CFAP69: variants seen among roughly 807,000 people sequenced by gnomAD.
CFAP69 encodes the protein cilia and flagella associated protein 69, also known as cilia- and flagella-associated protein 69.
Under a neutral mutation model 123.0 loss-of-function variants are expected in CFAP69, and 92 were observed. The observed-to-expected ratio is 0.75, with a 90% confidence interval of 0.63 to 0.89. CFAP69 has a LOEUF of 0.89. Among genes scored for constraint, CFAP69 ranks in the 40% least tolerant of loss-of-function variants. The probability of loss-of-function intolerance (pLI) is 0.00; values close to 1 mark genes in which losing one functional copy is unlikely to be tolerated. For synonymous variants in CFAP69, 380 were observed against 364.3 expected, an observed-to-expected ratio of 1.04 and a Z score of -0.49; for missense variants, 1,067 against 1,096.9, an observed-to-expected ratio of 0.97 and a Z score of 0.39.
intron 9 of CFAP69, 30 bp from the exon 10 acceptor site, chr7:90,277,043 C>G: frequency 6.8e-7 from 1 of 1,468,058 alleles, no homozygotes; most frequent in Non-Finnish European, 9.2e-7. Context: ...ATTCATTCAT[C>G]TTTCTGCTTA....
rs1792207175 is a variant in CFAP69, at chr7:90,297,769, A to G, written c.1796A>G (p.Tyr599Cys). ...DSIWCCILGC[Y>C]PSEDYFLEKE... is the part of the protein sequence containing the mutation. ...TTAAGGTGCTGTATTTTGGGATGTT[A>G]TCCCTCAGAGGATTATTTTCTTGAA... Residue 599 changes from tyrosine (Y) to cysteine (C), a missense_variant, in exon 16 of 23, where the codon TAT becomes TGT. Transcript: ENST00000389297. 6.3e-7 allele frequency: 1 copy of G among 1,574,930 alleles called. No homozygotes were observed. Among genetic ancestry groups the G allele is most frequent in the African/African-American group, 1.4e-5 (1 of 71,738 alleles).
At chr7:90,247,864 A>AACAAT (rs1270769894) in intron 1 of CFAP69, among the ~76,000 whole-genome samples, 1 of 152,202 alleles carries the variant, frequency 6.6e-6, no homozygotes, top group Non-Finnish European at 1.5e-5. Context: ...AACAAAACAA[A>AACAAT]ACAAAAAGAA....
In CFAP69 at chr7:90,310,405, C is replaced by A; in HGVS notation, c.*167C>A. ...TATAATTTATTTTTATGGAAAACAT[C>A]AACATGTAATATCAGAAGAGTTGTC... On this transcript the variant is annotated 3_prime_UTR_variant, in exon 23 of 23. Coordinates refer to ENST00000389297, the MANE Select transcript of CFAP69 (RefSeq NM_001039706.3). 2.7e-6 allele frequency: 1 copy of A among 366,538 alleles called. No homozygotes were observed. Among genetic ancestry groups the A allele is most frequent in the Non-Finnish European group, 4.6e-6 (1 of 215,370 alleles). The allele number at this position is 366,538 out of a possible 1,614,324, so 22.7% of individuals were successfully genotyped here.
chr7:90,319,815 C>A, the CFAP69 span: 1 of 397,708 alleles, frequency 2.5e-6, no homozygotes, highest in Non-Finnish European at 4.4e-6. Flanking sequence ...ATCACTTGAT[C>A]TAAAAAACTG....
rs374702845 is a variant in CFAP69, at chr7:90,283,038, A to C, written c.1519A>C (p.Thr507Pro). 6.1e-5 allele frequency: 96 copies of C among 1,563,116 alleles called. No individual in the cohort carries two copies. The highest frequency in any genetic ancestry group is 8.2e-5 in the Non-Finnish European group (95 of 1,157,748). Residue 507 changes from threonine to proline, a missense_variant, in exon 13 of 23, where the codon ACA becomes CCA. Coordinates refer to ENST00000389297, the MANE Select transcript of CFAP69 (RefSeq NM_001039706.3). ...TVNKDLCEKG[T>P]IQQMIGIFKN... ...AAACAAAGATCTTTGTGAAAAGGGA[A>C]CAATTCAGCAAATGATAGGTAAAAT... is the stretch of plus-strand genomic sequence containing the variant.
chr7:90,248,998 C>A (rs1303738610), intron 1 of CFAP69, among the ~76,000 whole-genome samples: 1 of 152,182 alleles, frequency 6.6e-6, no homozygotes, highest in African/African-American at 2.4e-5. Context: ...TAACTTTCTG[C>A]TATTATTAAT....
chr7:90,284,632 G>C (rs1015404), intron 13 of CFAP69, among the ~76,000 whole-genome samples: 75,732 of 151,900 alleles, frequency 0.5, 19,833 homozygotes, highest in Non-Finnish European at 0.59. Context: ...TAAGAGGCTT[G>C]GGTAGTTTTC....
chr7:90,249,658 C>T (rs1276124287), intron 1 of CFAP69, among the ~76,000 whole-genome samples: 2 of 151,872 alleles, frequency 1.3e-5, no homozygotes, highest in Non-Finnish European at 2.9e-5. Context: ...TAGTTTTGTT[C>T]CCCTCATTCT....
chr7:90,265,123 T>C (rs1185859437), intron 4 of CFAP69, among the ~76,000 whole-genome samples, 178 bp from the exon 5 acceptor site: 2 of 152,126 alleles, frequency 1.3e-5, no homozygotes, highest in East Asian at 3.9e-4. Flanking sequence ...ACAATACTAT[T>C]AAACTGTAAT....
chr7:90,284,253 T>C (rs1789925895), intron 13 of CFAP69, among the ~76,000 whole-genome samples: 1 of 149,648 alleles, frequency 6.7e-6, no homozygotes, highest in Admixed American at 6.7e-5. Context: ...GAGTCTAACA[T>C]GGCTGTGTAG....
intron 15 of CFAP69, among the ~76,000 whole-genome samples, chr7:90,297,337 GGAA>G (rs779355035): frequency 6.6e-6 from 1 of 152,168 alleles, no homozygotes; most frequent in African/African-American, 2.4e-5. Context: ...AGTTTACTTT[GGAA>G]TGCCTTGGCT....
chr7:90,291,755 G>A (rs1284476574), intron 15 of CFAP69, among the ~76,000 whole-genome samples: 1 of 152,156 alleles, frequency 6.6e-6, no homozygotes, highest in Non-Finnish European at 1.5e-5. Context: ...CAGTCAGAAA[G>A]CACTGGTATG....
At chr7:90,303,650 A>G (rs1793131716) in intron 17 of CFAP69, 1 of 984,638 alleles carries the variant, frequency 1.0e-6, no homozygotes. Context: ...ATCACTGTTA[A>G]ACTGACATTA....
At position 90,270,982 on chromosome 7, in the gene CFAP69, C is replaced by T. The variant is rs17865231; in HGVS notation, c.533-544C>T. On this transcript the variant is annotated intron_variant, in intron 6 of 22. Transcript: ENST00000389297. Reference sequence around the variant, plus strand: ...ACCTCTTATTTTATTGCTGACACTACGTAATTGTTGTCCCTTGAAAGTACT... The same window carrying T: ...ACCTCTTATTTTATTGCTGACACTATGTAATTGTTGTCCCTTGAAAGTACT... Among the ~76,000 whole-genome samples the T allele has an allele frequency of 7.9e-3, 1,205 of 152,162 alleles. 18 individuals are homozygous for T. Among genetic ancestry groups the T allele is most frequent in the African/African-American group, 0.028 (1,156 of 41,524 alleles).
intron 1 of CFAP69, among the ~76,000 whole-genome samples, chr7:90,248,135 C>T (rs1796551850): frequency 6.6e-6 from 1 of 152,164 alleles, no homozygotes; most frequent in Non-Finnish European, 1.5e-5. Context: ...TTTCGGTCTG[C>T]TCACTTTATC....
intron 15 of CFAP69, among the ~76,000 whole-genome samples, chr7:90,294,348 C>G (rs942902022): frequency 1.6e-4 from 25 of 152,174 alleles, no homozygotes; most frequent in Non-Finnish European, 1.2e-4. Context: ...CCTAAGATTA[C>G]TAAAGTCACA....
At chr7:90,257,655 C>T (rs1470792760) in intron 2 of CFAP69, among the ~76,000 whole-genome samples, 2 of 152,158 alleles carry the variant, frequency 1.3e-5, no homozygotes, top group Non-Finnish European at 2.9e-5. Context: ...TGGCTTATTT[C>T]ACTTAATATC....
chr7:90,321,784 C>T, the CFAP69 span, among the ~76,000 whole-genome samples: 1 of 152,186 alleles, frequency 6.6e-6, no homozygotes, highest in African/African-American at 2.4e-5. Context: ...TGCTTCTACA[C>T]TGGGGGAAAT....
In CFAP69 at chr7:90,245,231, G is replaced by T. The variant is rs914700947; in HGVS notation, c.-194G>T. The stretch of plus-strand genomic sequence containing the variant: ...CGGGATCAGAGGTCTGGGTCAACTG[G>T]GGGGCGGCAGCGGCGCTAAGCGGAC... On this transcript the variant is annotated 5_prime_UTR_variant, in exon 1 of 23. Coordinates refer to ENST00000389297, the MANE Select transcript of CFAP69 (RefSeq NM_001039706.3). 15 of 614,156 alleles carry T rather than the reference G, an allele frequency of 2.4e-5. No individual in the cohort carries two copies. The highest frequency in any genetic ancestry group is 3.2e-5 in the Non-Finnish European group (13 of 403,750). 38.0% of individuals were successfully genotyped at this position (614,156 alleles called of 1,614,324 possible). A position where few individuals can be genotyped will look rare whatever the true frequency, so the allele number is the denominator to read the frequency against.
Sources: allele counts gnomAD v4.1 joint callset (sites outside exome capture counted in the v4.1 genomes callset), GRCh38; gene constraint gnomAD v4.1.1; transcripts MANE v1.5; gene names NCBI Gene and HGNC (gene_info 2026-07-23, HGNC 2026-07-21).